Variants in NF1 observed in about 807,000 individuals in gnomAD.
NF1 encodes the protein neurofibromin.
A neutral mutation model predicts 325.7 loss-of-function variants in NF1; 122 were observed. The ratio of observed to expected loss-of-function variants is 0.37; its 90% CI spans 0.32 to 0.44. The LOEUF is 0.44. Ranked by LOEUF, NF1 falls within the 20% of genes least tolerant of loss-of-function variation. The pLI is 1.00. For missense variants in NF1, 2,140 were observed against 3,415.4 expected, an observed-to-expected ratio of 0.63 and a Z score of 9.31; for synonymous variants, 1,091 against 1,186.0, an observed-to-expected ratio of 0.92 and a Z score of 1.65.
At chr17:31,178,571 T>C (rs1294891468) in intron 5 of NF1, among the ~76,000 whole-genome samples, 1 of 152,068 alleles carries the variant, frequency 6.6e-6, no homozygotes, top group Admixed American at 6.5e-5. Flanking sequence ...GACTGGCAAA[T>C]TGGATAAAGA....
At position 31,330,734 on chromosome 17, in the gene NF1, G is replaced by C. The variant is rs182567894; in HGVS notation, c.5812+236G>C. On this transcript the variant is annotated intron_variant, in intron 39 of 57. Coordinates refer to ENST00000358273, the MANE Select transcript of NF1 (RefSeq NM_001042492.3). Reference sequence around the variant, plus strand: ...AATAAAAGCAAAGCGGCAAGAGTTTGGTACTTTACACACCTCTGGACCACT... The same window carrying C: ...AATAAAAGCAAAGCGGCAAGAGTTTCGTACTTTACACACCTCTGGACCACT... 1.1e-5 allele frequency: 6 copies of C among 541,566 alleles called. No individual in the cohort carries two copies. The East Asian group carries it at 1.9e-4, about 17-fold the overall frequency. The allele number at this position is 541,566 out of a possible 1,614,324, so 33.5% of individuals were successfully genotyped here. A position where few individuals can be genotyped will look rare whatever the true frequency, so the allele number is the denominator to read the frequency against.
intron 57 of NF1, among the ~76,000 whole-genome samples, chr17:31,363,960 C>T (rs943086147): frequency 9.9e-5 from 15 of 151,728 alleles, no homozygotes; most frequent in African/African-American, 3.4e-4. Flanking sequence ...AGGCTGGTCT[C>T]GAACTCCTGA....
At chr17:31,225,427 G>C (rs1354908381) in intron 17 of NF1, among the ~76,000 whole-genome samples, 177 bp downstream of exon 17, 1 of 152,114 alleles carries the variant, frequency 6.6e-6, no homozygotes, top group Non-Finnish European at 1.5e-5. Context: ...TTGTTCCTCA[G>C]TTCCTCAACT....
intron 36 of NF1, among the ~76,000 whole-genome samples, chr17:31,274,745 AATAG>A (rs2067970567): frequency 6.6e-6 from 1 of 151,372 alleles, no homozygotes; most frequent in South Asian, 2.1e-4. Flanking sequence ...TAGTAATAGT[AATAG>A]TAATAGTAAT....
chr17:31,275,516 C>A (rs1036514011), intron 36 of NF1, among the ~76,000 whole-genome samples: 11 of 152,254 alleles, frequency 7.2e-5, no homozygotes, highest in Admixed American at 5.2e-4. Flanking sequence ...CTTACTGTGC[C>A]TAATTTATAA....
chr17:31,324,800 A>G (rs556991761), intron 36 of NF1, among the ~76,000 whole-genome samples: 1 of 151,866 alleles, frequency 6.6e-6, no homozygotes, highest in Admixed American at 6.6e-5. Context: ...GGCCTTATGT[A>G]ACCCACCTGC....
intron 29 of NF1, among the ~76,000 whole-genome samples, chr17:31,247,319 G>C (rs943804407): frequency 2.0e-5 from 3 of 152,020 alleles, no homozygotes; most frequent in Admixed American, 6.6e-5. Context: ...TGATAACATA[G>C]AGCACATGAT....
At chr17:31,192,398 G>A (rs1279643742) in intron 8 of NF1, among the ~76,000 whole-genome samples, 1 of 152,194 alleles carries the variant, frequency 6.6e-6, no homozygotes, top group Non-Finnish European at 1.5e-5. Flanking sequence ...ACAACTCAAA[G>A]TGGGGGCTTC....
chr17:31,356,921 C>T (rs2151581997), intron 52 of NF1, 39 bp from the exon 53 acceptor site: 1 of 1,612,080 alleles, frequency 6.2e-7, no homozygotes, highest in Non-Finnish European at 8.5e-7. Flanking sequence ...AAGTGATTAT[C>T]CAGGTGTTTG....
intron 29 of NF1, among the ~76,000 whole-genome samples, chr17:31,246,025 T>C (rs541979962): frequency 1.3e-5 from 2 of 152,290 alleles, no homozygotes; most frequent in Admixed American, 1.3e-4. Context: ...CCAAGGGTTT[T>C]AAGAGCAATG....
intron 31 of NF1, among the ~76,000 whole-genome samples, chr17:31,258,121 T>G (rs184375161): frequency 7.4e-4 from 113 of 152,292 alleles, no homozygotes; most frequent in Admixed American, 2.4e-3. Flanking sequence ...AGGTTTTTCT[T>G]TCCTCTGAGA....
rs536696873 is a variant in NF1 at position 31,358,483 on chromosome 17, T to C, written c.7974T>C (p.His2658=). 1 of 1,613,750 alleles carries C rather than the reference T, an allele frequency of 6.2e-7. No homozygotes were observed. Among genetic ancestry groups the C allele is most frequent in the African/African-American group, 1.3e-5 (1 of 75,030 alleles). ...VVFPKVFPVV[H]NLLDSKINTL... ...GTTGACTTTTTTTTTCTTTTAGGCA[T>C]AATTTGTTGGACTCTAAGATCAACA... is the stretch of plus-strand genomic sequence containing the variant. Residue 2658 remains histidine, a synonymous_variant, in exon 55 of 58, where the codon CAT becomes CAC. Coordinates refer to ENST00000358273, the MANE Select transcript of NF1 (RefSeq NM_001042492.3).
intron 1 of NF1, chr17:31,133,824 T>G (rs1039183598): frequency 2.6e-5 from 4 of 152,096 alleles, no homozygotes; most frequent in Non-Finnish European, 5.9e-5. Flanking sequence ...GTCTGGCTAA[T>G]TTTTGTATTT....
chr17:31,273,009 G>A (rs934295385), intron 36 of NF1, among the ~76,000 whole-genome samples: 1 of 151,936 alleles, frequency 6.6e-6, no homozygotes, highest in East Asian at 1.9e-4. Flanking sequence ...AGCTTAATTG[G>A]CATTTTTCTA....
At chr17:31,373,583 C>T (rs1329694775) in intron 57 of NF1, among the ~76,000 whole-genome samples, 1 of 152,190 alleles carries the variant, frequency 6.6e-6, no homozygotes, top group Non-Finnish European at 1.5e-5. Flanking sequence ...ATGAAATGTG[C>T]ATAAACAATT....
chr17:31,300,463 A>G (rs953607781), intron 36 of NF1, among the ~76,000 whole-genome samples: 21 of 152,188 alleles, frequency 1.4e-4, no homozygotes, highest in African/African-American at 9.6e-5. Context: ...GTATCACTCC[A>G]TATCAGTATA....
In NF1 at chr17:31,337,934, A is replaced by T. The variant is rs2069721217; in HGVS notation, c.6704+54A>T. The T allele has an allele frequency of 1.7e-5, 26 of 1,552,538 alleles. 1 individual carries two copies. In the South Asian group the frequency reaches 2.9e-4, roughly 17 times the overall value. On this transcript the variant is annotated intron_variant, in intron 44 of 57. Transcript: ENST00000358273. ...AAAATATGCATATTGTTGAAAATAC[A>T]GCTATTACTGTATGATCAATGTTAT...
At chr17:31,278,491 AGCTTTTTTTTT>A in intron 36 of NF1, among the ~76,000 whole-genome samples, 1 of 31,202 alleles carries the variant, frequency 3.2e-5, no homozygotes, top group African/African-American at 1.3e-4. Flanking sequence ...TGGTAATTGA[AGCTTTTTTTTT>A]TTTTTTTTTT....
chr17:31,271,129 A>G (rs2067886162), intron 36 of NF1, among the ~76,000 whole-genome samples: 2 of 152,254 alleles, frequency 1.3e-5, no homozygotes, highest in African/African-American at 4.8e-5. Flanking sequence ...TTATAATTGT[A>G]TGCTTGGGTA....
Sources: gnomAD v4.1 joint callset for allele counts (sites outside exome capture counted in the v4.1 genomes callset) on GRCh38, gnomAD v4.1.1 for gene constraint, MANE v1.5 for transcripts, NCBI Gene and HGNC (gene_info 2026-07-23, HGNC 2026-07-21) for gene names.